The following TAFA4 variants were observed in gnomAD, a reference collection of about 807,000 sequenced individuals.
The protein encoded by TAFA4 is chemokine-like protein TAFA-4.
A neutral mutation model predicts 21.1 loss-of-function variants in TAFA4; 20 were observed. The ratio of observed to expected loss-of-function variants is 0.95; its 90% CI spans 0.67 to 1.38. TAFA4 has a LOEUF of 1.38. Ranked by LOEUF, TAFA4 falls within the 40% of genes most tolerant of loss-of-function variation. TAFA4 has a pLI of 0.00. For missense variants in TAFA4, 211 were observed against 180.9 expected (o/e 1.17, Z -0.95); for synonymous variants, 71 against 67.4 (o/e 1.05, Z -0.26).
chr3:68,787,833 C>T (rs1357320786), intron 3 of TAFA4, among the ~76,000 whole-genome samples: 2 of 152,218 alleles, frequency 1.3e-5, no homozygotes, highest in African/African-American at 2.4e-5. Context: ...TGTAATAAAG[C>T]TTCTAGACGA....
chr3:68,741,717 G>T (rs142109528), intron 4 of TAFA4, among the ~76,000 whole-genome samples: 10,612 of 152,044 alleles, frequency 0.07, 450 homozygotes, highest in African/African-American at 0.12. Flanking sequence ...GTGTGAACCC[G>T]GGAGGTGGAG....
At chr3:68,924,308 G>C (rs1306896606) in intron 1 of TAFA4, among the ~76,000 whole-genome samples, 5 of 152,196 alleles carry the variant, frequency 3.3e-5, no homozygotes, top group African/African-American at 1.2e-4. Context: ...CCTTAAAAAG[G>C]AAATTCTGAC....
intron 3 of TAFA4, among the ~76,000 whole-genome samples, chr3:68,875,212 T>C (rs578029892): frequency 9.3e-4 from 142 of 151,888 alleles, no homozygotes; most frequent in South Asian, 2.7e-3. Flanking sequence ...TGATAGGAGC[T>C]AGAGTCAAAC....
chr3:68,834,037 C>G (rs956585674), intron 3 of TAFA4, among the ~76,000 whole-genome samples: 2 of 152,186 alleles, frequency 1.3e-5, no homozygotes, highest in Non-Finnish European at 2.9e-5. Flanking sequence ...AGTTGATGCT[C>G]ACCCTGACTT....
chr3:68,827,567 T>C (rs916797641), intron 3 of TAFA4, among the ~76,000 whole-genome samples: 2 of 152,226 alleles, frequency 1.3e-5, no homozygotes, highest in Non-Finnish European at 2.9e-5. Flanking sequence ...GACTTTTTAA[T>C]GATCGCCATT....
chr3:68,809,359 A>G (rs1703777878), intron 3 of TAFA4, among the ~76,000 whole-genome samples: 1 of 152,260 alleles, frequency 6.6e-6, no homozygotes, highest in Non-Finnish European at 1.5e-5. Context: ...ATAACAAAAT[A>G]ACTTGAACAT....
chr3:68,871,163 C>T lies in TAFA4; in HGVS notation c.130+9567G>A, dbSNP rs546228302. 1.0e-3 allele frequency among the ~76,000 whole-genome samples: 156 copies of T among 152,196 alleles called. 1 individual carries two copies. The highest frequency in any genetic ancestry group is 3.4e-3 in the African/African-American group (143 of 41,542). ...GACAGTGTGGCAATTCCTCAAGGATCTAGAACCAGAAATACCATTTGACCC... is the reference window on the plus strand; with the variant it reads ...GACAGTGTGGCAATTCCTCAAGGATTTAGAACCAGAAATACCATTTGACCC... On this transcript the variant is annotated intron_variant, in intron 3 of 5. Coordinates refer to ENST00000295569, the MANE Select transcript of TAFA4 (RefSeq NM_182522.5).
intron 3 of TAFA4, among the ~76,000 whole-genome samples, chr3:68,876,307 C>T (rs919427056): frequency 5.9e-5 from 9 of 152,118 alleles, no homozygotes; most frequent in African/African-American, 2.2e-4. Context: ...CCTTGCCTAC[C>T]CCCTAGTGTC....
chr3:68,760,184 A>G (rs530491795), intron 3 of TAFA4, among the ~76,000 whole-genome samples: 69 of 152,340 alleles, frequency 4.5e-4, no homozygotes, highest in African/African-American at 1.6e-3. Context: ...TCCTTACAAC[A>G]AAAATTGATT....
At position 68,733,094 on chromosome 3, in the gene TAFA4, C is replaced by T. The variant is rs748647017; in HGVS notation, c.*48G>A. 5 of 1,611,364 alleles carry T rather than the reference C, an allele frequency of 3.1e-6. No individual in the cohort carries two copies. The South Asian group carries it at 4.4e-5, about 14-fold the overall frequency. On this transcript the variant is annotated 3_prime_UTR_variant, in exon 6 of 6. Coordinates refer to ENST00000295569, the MANE Select transcript of TAFA4 (RefSeq NM_182522.5). ...CATGATGGGAATCCAAGCAAAAGAG[C>T]TCCGCCTCCTGCTGCCCCTCCAGGA...
At chr3:68,744,712 C>A (rs1198733374) in intron 4 of TAFA4, among the ~76,000 whole-genome samples, 17 of 151,986 alleles carry the variant, frequency 1.1e-4, no homozygotes, top group Non-Finnish European at 4.4e-5. Flanking sequence ...TATGCCACTT[C>A]TTAACTACAG....
intron 3 of TAFA4, among the ~76,000 whole-genome samples, chr3:68,768,919 C>A (rs1364028570): frequency 6.6e-6 from 1 of 152,044 alleles, no homozygotes; most frequent in Non-Finnish European, 1.5e-5. Flanking sequence ...ACAGTGGGAA[C>A]CAGAGCTAAG....
intron 3 of TAFA4, among the ~76,000 whole-genome samples, chr3:68,811,189 G>A (rs1159832724): frequency 6.6e-6 from 1 of 152,182 alleles, no homozygotes; most frequent in Non-Finnish European, 1.5e-5. Flanking sequence ...CATCATCAAA[G>A]ACCAAAGGGT....
intron 5 of TAFA4, among the ~76,000 whole-genome samples, chr3:68,736,383 A>G (rs1702241311): frequency 6.6e-6 from 1 of 152,156 alleles, no homozygotes; most frequent in African/African-American, 2.4e-5. Context: ...CCAATATTTT[A>G]TACCTGGAAA....
chr3:68,924,341 C>T (rs1430419920), intron 1 of TAFA4, among the ~76,000 whole-genome samples: 1 of 152,174 alleles, frequency 6.6e-6, no homozygotes, highest in Non-Finnish European at 1.5e-5. Flanking sequence ...ATGGATGAAC[C>T]TTGAAGACAT....
intron 3 of TAFA4, among the ~76,000 whole-genome samples, chr3:68,831,956 G>C (rs2872443): frequency 0.32 from 48,658 of 151,672 alleles, 8,159 homozygotes; most frequent in Non-Finnish European, 0.37. Flanking sequence ...AGCCTTTCTT[G>C]TCCTTGATCA....
chr3:68,825,896 C>CA (rs1222942927), intron 3 of TAFA4, among the ~76,000 whole-genome samples: 1 of 152,146 alleles, frequency 6.6e-6, no homozygotes, highest in Non-Finnish European at 1.5e-5. Flanking sequence ...TTCATCAGTT[C>CA]AAACATGATT....
intron 3 of TAFA4, among the ~76,000 whole-genome samples, chr3:68,756,754 A>AGAAGT (rs1702667051): frequency 6.6e-6 from 1 of 152,226 alleles, no homozygotes. Flanking sequence ...ATGAATATGG[A>AGAAGT]GAAGTGATTT....
At chr3:68,902,394 G>T (rs1484312316) in intron 1 of TAFA4, among the ~76,000 whole-genome samples, 3 of 151,790 alleles carry the variant, frequency 2.0e-5, no homozygotes, top group African/African-American at 7.3e-5. Flanking sequence ...TGGAGACAGG[G>T]TCTTGTTCTG....
Sources: gnomAD v4.1 joint callset for allele counts (sites outside exome capture counted in the v4.1 genomes callset) on GRCh38, gnomAD v4.1.1 for gene constraint, MANE v1.5 for transcripts, NCBI Gene and HGNC (gene_info 2026-07-23, HGNC 2026-07-21) for gene names.